HMCN1: variants seen among roughly 807,000 people sequenced by gnomAD.
The protein encoded by HMCN1 is hemicentin-1.
HMCN1 carries 321 observed loss-of-function variants against 625.9 expected under a neutral mutation model. The observed-to-expected ratio is 0.51, with a 90% CI of 0.47 to 0.56. The LOEUF (loss-of-function observed/expected upper bound fraction) is 0.56, where lower values mean the gene tolerates loss of function less well. HMCN1 is among the 20% of genes least tolerant of loss of function. The pLI, the probability that HMCN1 is intolerant of heterozygous loss-of-function variation, is 0.00. For missense variants in HMCN1, 6,588 were observed against 6,887.3 expected (o/e 0.96, Z 1.54); for synonymous variants, 2,425 against 2,417.6 (o/e 1.00, Z -0.09).
intron 89 of HMCN1, among the ~76,000 whole-genome samples, chr1:186,141,925 G>T (rs928283748): frequency 1.3e-5 from 2 of 152,092 alleles, no homozygotes; most frequent in Admixed American, 6.6e-5. Context: ...AACTAAAACT[G>T]CAACATAGTG....
At chr1:186,019,809 A>G in intron 35 of HMCN1, 114 bp downstream of exon 35, 1 of 823,102 alleles carries the variant, frequency 1.2e-6, no homozygotes, top group South Asian at 2.1e-5. Flanking sequence ...TTTGCAGAAA[A>G]TTTATTAAAA....
At chr1:186,039,681 C>T in intron 38 of HMCN1, 47 bp from the exon 39 acceptor site, 1 of 1,591,940 alleles carries the variant, frequency 6.3e-7, no homozygotes, top group Non-Finnish European at 8.6e-7. Context: ...TTTGAGATCA[C>T]AAATCCTGTG....
chr1:185,794,625 C>A (rs546729054), intron 1 of HMCN1, among the ~76,000 whole-genome samples: 1 of 57,276 alleles, frequency 1.7e-5, no homozygotes, highest in South Asian at 5.1e-4. Flanking sequence ...TTTTTTTTTG[C>A]CTGCTTTATA....
At chr1:185,993,821 C>A (rs1652603132) in intron 23 of HMCN1, among the ~76,000 whole-genome samples, 1 of 152,096 alleles carries the variant, frequency 6.6e-6, no homozygotes, top group South Asian at 2.1e-4. Context: ...ACACTGAGTG[C>A]ATACTCTACA....
chr1:186,063,081 T>TGC (rs1389649702), intron 48 of HMCN1, among the ~76,000 whole-genome samples: 7 of 115,090 alleles, frequency 6.1e-5, no homozygotes, highest in Admixed American at 5.8e-4. Context: ...TATATATATA[T>TGC]ATATATATAT....
In HMCN1 at chr1:186,174,545, G is replaced by A. The variant is rs774001070; in HGVS notation, c.15846G>A (p.Gln5282=). Residue 5282 remains glutamine, a synonymous_variant, in exon 103 of 107, where the codon CAG becomes CAA. Coordinates refer to ENST00000271588, the MANE Select transcript of HMCN1 (RefSeq NM_031935.3). The part of the protein sequence containing the change: ...DIDECKDGTH[Q]CRYNQICENT... ...ATGAATGTAAAGATGGGACCCATCA[G>A]TGCAGATATAACCAGATATGTGAGA... The A allele has an allele frequency of 6.2e-7, 1 of 1,613,716 alleles. No individual in the cohort carries two copies. Among genetic ancestry groups the A allele is most frequent in the East Asian group, 2.2e-5 (1 of 44,858 alleles).
chr1:185,932,790 A>G (rs766305164), intron 10 of HMCN1, among the ~76,000 whole-genome samples: 9 of 152,258 alleles, frequency 5.9e-5, no homozygotes, highest in Admixed American at 4.6e-4. Flanking sequence ...TGGCACACGT[A>G]TACCTATGTG....
At chr1:186,154,830 A>T (rs1227460866) in intron 97 of HMCN1, among the ~76,000 whole-genome samples, 2 of 152,158 alleles carry the variant, frequency 1.3e-5, no homozygotes, top group Admixed American at 1.3e-4. Flanking sequence ...TAAGTAGTCC[A>T]TCTATGCTAT....
intron 4 of HMCN1, among the ~76,000 whole-genome samples, chr1:185,902,359 C>T (rs1340037782): frequency 6.6e-6 from 1 of 151,346 alleles, no homozygotes; most frequent in Non-Finnish European, 1.5e-5. Flanking sequence ...AACTATGACC[C>T]TTCCTCCCAT....
intron 40 of HMCN1, among the ~76,000 whole-genome samples, chr1:186,044,333 A>G (rs1656406884): frequency 6.6e-6 from 1 of 152,152 alleles, no homozygotes. Context: ...GGTCAATCTC[A>G]GCCATTGTGC....
intron 1 of HMCN1, among the ~76,000 whole-genome samples, chr1:185,783,221 A>G (rs1012329401): frequency 5.8e-4 from 88 of 152,222 alleles, no homozygotes; most frequent in African/African-American, 2.0e-3. Flanking sequence ...ACTTGTCTAC[A>G]CTGCTTATTC....
chr1:185,896,435 G>A (rs886837724), intron 4 of HMCN1, among the ~76,000 whole-genome samples: 4 of 151,910 alleles, frequency 2.6e-5, no homozygotes, highest in South Asian at 2.1e-4. Flanking sequence ...ACCCATATAC[G>A]TATGGAAAGA....
intron 2 of HMCN1, among the ~76,000 whole-genome samples, chr1:185,854,032 T>G (rs1301764885): frequency 6.6e-6 from 1 of 152,214 alleles, no homozygotes; most frequent in Non-Finnish European, 1.5e-5. Context: ...CCACAATAAG[T>G]ACTAAATCTG....
intron 1 of HMCN1, among the ~76,000 whole-genome samples, chr1:185,844,148 G>A (rs557635589): frequency 1.9e-4 from 29 of 152,260 alleles, no homozygotes; most frequent in African/African-American, 6.7e-4. Context: ...GGGTGTAACT[G>A]CCTGGCATAT....
Position 186,016,126 on chromosome 1 carries a change from G to C in HMCN1, c.5078G>C (p.Gly1693Ala). The C allele has an allele frequency of 2.5e-6, 4 of 1,613,490 alleles. No individual in the cohort carries two copies. Among genetic ancestry groups the C allele is most frequent in the Non-Finnish European group, 3.4e-6 (4 of 1,179,596 alleles). ...AATGACAATATCCGCATAGAAGCTG[G>C]TGGGAAGAAACTCGAAATCATGAGT... ...KANDNIRIEA[G>A]GKKLEIMSAQ... is the part of the protein sequence containing the mutation. The change falls in exon 32 of 107, where the codon GGT becomes GCT. Residue 1693 changes from glycine (G) to alanine (A), a missense_variant. Gly to Ala is a moderately conservative substitution (Grantham distance 60). Coordinates refer to ENST00000271588, the MANE Select transcript of HMCN1 (RefSeq NM_031935.3).
chr1:186,016,812 T>C (rs1654399103), intron 32 of HMCN1, 151 bp from the exon 33 acceptor site: 3 of 662,552 alleles, frequency 4.5e-6, no homozygotes, highest in Non-Finnish European at 5.6e-6. Context: ...TATTGTAAAA[T>C]GTATTTACAA....
intron 42 of HMCN1, among the ~76,000 whole-genome samples, chr1:186,052,114 G>A (rs1656993038): frequency 6.6e-6 from 1 of 151,826 alleles, no homozygotes; most frequent in Non-Finnish European, 1.5e-5. Context: ...GTGAATAAAG[G>A]AAGAATGACA....
At chr1:185,909,116 A>G (rs1257942396) in intron 4 of HMCN1, among the ~76,000 whole-genome samples, 3 of 152,118 alleles carry the variant, frequency 2.0e-5, no homozygotes, top group African/African-American at 4.8e-5. Flanking sequence ...TATTCAAGAT[A>G]GAAAACTTGA....
chr1:186,040,944 G>T, intron 39 of HMCN1, 69 bp from the exon 40 acceptor site: 1 of 1,559,230 alleles, frequency 6.4e-7, no homozygotes, highest in South Asian at 1.1e-5. Context: ...AAAAAAATAA[G>T]AGAAAAAATC....
Sources: allele counts gnomAD v4.1 joint callset (sites outside exome capture counted in the v4.1 genomes callset), GRCh38; gene constraint gnomAD v4.1.1; transcripts MANE v1.5; gene names NCBI Gene and HGNC (gene_info 2026-07-23, HGNC 2026-07-21).